Variants in KANK4 observed in about 807,000 individuals in gnomAD.
The protein encoded by KANK4 is KN motif and ankyrin repeat domains 4, also known as KN motif and ankyrin repeat domain-containing protein 4.
KANK4 carries 50 observed loss-of-function variants against 80.8 expected under a neutral mutation model. The ratio of observed to expected loss-of-function variants is 0.62; its 90% confidence interval spans 0.49 to 0.78. KANK4 has a LOEUF of 0.78. Among genes scored for constraint, KANK4 ranks in the 30% least tolerant of loss-of-function variants. KANK4 has a pLI of 0.00. For missense variants in KANK4, 1,196 were observed against 1,240.1 expected (o/e 0.96, Z 0.53); for synonymous variants, 465 against 506.9 (o/e 0.92, Z 1.11).
intron 9 of KANK4, among the ~76,000 whole-genome samples, chr1:62,246,590 A>G (rs1356008599): frequency 6.6e-6 from 1 of 151,904 alleles, no homozygotes; most frequent in Non-Finnish European, 1.5e-5. Context: ...GAATCATCTC[A>G]TTTATTTATT....
intron 9 of KANK4, 33 bp from the exon 10 acceptor site, chr1:62,238,414 T>C (rs1408589532): frequency 6.3e-7 from 1 of 1,585,226 alleles, no homozygotes; most frequent in Admixed American, 1.7e-5. Flanking sequence ...GAAATAAATA[T>C]CATCCAATCT....
chr1:62,307,154 TG>T (rs149940264), intron 1 of KANK4, among the ~76,000 whole-genome samples: 8,746 of 152,124 alleles, frequency 0.057, 712 homozygotes, highest in African/African-American at 0.19. Context: ...GCATCCCATT[TG>T]CCCCACCTAA....
intron 1 of KANK4, among the ~76,000 whole-genome samples, chr1:62,298,936 T>A (rs78772431): frequency 1.8e-4 from 9 of 50,454 alleles, no homozygotes; most frequent in African/African-American, 1.5e-3. Context: ...ATGTATTATT[T>A]TTTTTTTTCT....
At chr1:62,243,529 G>C (rs1240037454) in intron 9 of KANK4, among the ~76,000 whole-genome samples, 2 of 152,050 alleles carry the variant, frequency 1.3e-5, no homozygotes, top group Non-Finnish European at 2.9e-5. Context: ...AGTAGAGACA[G>C]GGTTTCAAAA....
chr1:62,294,298 T>C (rs948805826), intron 1 of KANK4, among the ~76,000 whole-genome samples: 5 of 152,110 alleles, frequency 3.3e-5, no homozygotes, highest in Admixed American at 1.3e-4. Context: ...TTGGAGTAAA[T>C]GTTTCCTAGG....
intron 1 of KANK4, among the ~76,000 whole-genome samples, chr1:62,312,936 C>T (rs982162553): frequency 6.6e-6 from 1 of 152,098 alleles, no homozygotes; most frequent in African/African-American, 2.4e-5. Context: ...GATGCTTGGC[C>T]TCCTTCCAGA....
At chr1:62,276,190 C>T (rs912530367) in intron 2 of KANK4, among the ~76,000 whole-genome samples, 11 of 152,156 alleles carry the variant, frequency 7.2e-5, no homozygotes, top group African/African-American at 2.2e-4. Flanking sequence ...GCCAGTCCTT[C>T]GACTATCTGC....
intron 1 of KANK4, among the ~76,000 whole-genome samples, chr1:62,301,224 T>C (rs938223451): frequency 6.6e-6 from 1 of 152,034 alleles, no homozygotes. Context: ...CGAGTTCAAC[T>C]CTCTCATTTC....
chr1:62,253,950 C>T (rs1292473232), intron 7 of KANK4, among the ~76,000 whole-genome samples: 3 of 152,212 alleles, frequency 2.0e-5, no homozygotes, highest in East Asian at 3.9e-4. Context: ...GCTCATCCCT[C>T]ACCTGCCCAT....
Position 62,274,840 on chromosome 1 carries a change from G to C in KANK4, c.264C>G (p.Leu88=). 1 of 1,614,136 alleles carries C rather than the reference G, an allele frequency of 6.2e-7. No homozygotes were observed. Among genetic ancestry groups the C allele is most frequent in the Admixed American group, 1.7e-5 (1 of 60,028 alleles). The change falls in exon 3 of 10, where the codon CTC becomes CTG. Residue 88 remains leucine, a synonymous_variant. Coordinates refer to ENST00000371153, the MANE Select transcript of KANK4 (RefSeq NM_181712.5). ...TTGGCACCACGGGAGACCAGTTTTGGAGGGGCGGGGCTGCAGGGGGGCGAG... is the reference window on the plus strand; with the variant it reads ...TTGGCACCACGGGAGACCAGTTTTGCAGGGGCGGGGCTGCAGGGGGGCGAG... ...SGARPPAAPP[L]QNWSPVVPRE...
At chr1:62,272,252 G>A (rs1672180902) in intron 3 of KANK4, 1 of 152,634 alleles carries the variant, frequency 6.6e-6, no homozygotes, top group African/African-American at 2.4e-5. Context: ...GTTACAACAG[G>A]AAGTGCTGCT....
intron 1 of KANK4, among the ~76,000 whole-genome samples, chr1:62,308,288 C>CATGGAGA (rs769000282): frequency 1.3e-5 from 2 of 152,288 alleles, no homozygotes; most frequent in South Asian, 2.1e-4. Flanking sequence ...CTCACACAGG[C>CATGGAGA]GCCTGCATGG....
At chr1:62,248,625 A>G (rs1196204001) in intron 8 of KANK4, among the ~76,000 whole-genome samples, 1 of 150,598 alleles carries the variant, frequency 6.6e-6, no homozygotes, top group Non-Finnish European at 1.5e-5. Flanking sequence ...AGTTCACTGC[A>G]ACCTCCGCCT....
At chr1:62,296,207 C>T (rs1260404350) in intron 1 of KANK4, among the ~76,000 whole-genome samples, 3 of 152,234 alleles carry the variant, frequency 2.0e-5, no homozygotes, top group Non-Finnish European at 4.4e-5. Flanking sequence ...TCTTTCCCAT[C>T]TCTGCTGTTC....
At chr1:62,251,688 T>C (rs928460567) in intron 8 of KANK4, among the ~76,000 whole-genome samples, 8 of 152,132 alleles carry the variant, frequency 5.3e-5, no homozygotes, top group African/African-American at 1.9e-4. Context: ...AACTTGTACT[T>C]AATCACTGCA....
Position 62,313,992 on chromosome 1 carries a change from G to A in KANK4, c.-71+5114C>T, listed in dbSNP as rs372731603. Among the ~76,000 whole-genome samples, 25 of 151,946 alleles carry A rather than the reference G, an allele frequency of 1.6e-4. 1 individual carries two copies. The highest frequency in any genetic ancestry group is 1.4e-3 in the East Asian group (7 of 5,170). On this transcript the variant is annotated intron_variant, in intron 1 of 9. Transcript: ENST00000371153. ...CAGCCACTACCGAACTTGCCATTCC[G>A]TCTTTTTGTTTTGTTTTGTTTTGAT...
Position 62,274,299 on chromosome 1 carries a change from T to C in KANK4, c.805A>G (p.Asn269Asp), listed in dbSNP as rs553706720. Residue 269 changes from asparagine to aspartate, a missense_variant, in exon 3 of 10, where the codon AAT becomes GAT. Asn to Asp is a conservative substitution (Grantham distance 23, BLOSUM62 1). Transcript: ENST00000371153. The stretch of plus-strand genomic sequence containing the variant: ...AACAACACCTCTGCTTCTCTGGCAT[T>C]GTGTTCATCTTCCTTGTCCTCTAGA... Reference protein sequence around the residue: ...VVLEDKEDEHNAREAEVLFTP... With the variant: ...VVLEDKEDEHDAREAEVLFTP... The C allele has an allele frequency of 7.4e-6, 12 of 1,614,126 alleles. No homozygotes were observed. In the South Asian group the frequency reaches 1.2e-4, roughly 16 times the overall value.
chr1:62,292,900 C>T (rs1672707726), intron 1 of KANK4, among the ~76,000 whole-genome samples: 1 of 152,166 alleles, frequency 6.6e-6, no homozygotes, highest in Non-Finnish European at 1.5e-5. Context: ...CTGTCTAGTC[C>T]TGCCATCCAC....
chr1:62,282,151 G>C (rs181896742), intron 1 of KANK4, among the ~76,000 whole-genome samples: 164 of 152,288 alleles, frequency 1.1e-3, no homozygotes, highest in Non-Finnish European at 2.0e-3. Flanking sequence ...AGTACTGACA[G>C]GGAGCTGCTA....
Sources: allele counts gnomAD v4.1 joint callset (sites outside exome capture counted in the v4.1 genomes callset), GRCh38; gene constraint gnomAD v4.1.1; transcripts MANE v1.5; gene names NCBI Gene and HGNC (gene_info 2026-07-23, HGNC 2026-07-21).